Variants in MYT1L observed in about 807,000 individuals in gnomAD.
MYT1L encodes the protein myelin transcription factor 1 like.
In MYT1L, 12 loss-of-function variants were observed where a neutral mutation model predicts 126.7. The observed-to-expected ratio is 0.09, with a 90% confidence interval of 0.06 to 0.15. MYT1L has a LOEUF of 0.15. Among genes scored for constraint, MYT1L ranks in the 10% least tolerant of loss-of-function variants. MYT1L has a pLI of 1.00. For synonymous variants in MYT1L, 541 were observed against 604.2 expected, an observed-to-expected ratio of 0.90 and a Z score of 1.53; for missense variants, 979 against 1,585.2, an observed-to-expected ratio of 0.62 and a Z score of 6.49.
chr2:2,271,884 T>C (rs1179224242), intron 2 of MYT1L, among the ~76,000 whole-genome samples: 2 of 152,218 alleles, frequency 1.3e-5, no homozygotes, highest in Non-Finnish European at 1.5e-5. Context: ...GCGGTGTTTT[T>C]ACTAGGTGGG....
At chr2:1,928,394 A>G (rs897786183) in intron 9 of MYT1L, among the ~76,000 whole-genome samples, 2 of 152,208 alleles carry the variant, frequency 1.3e-5, no homozygotes, top group Non-Finnish European at 2.9e-5. Context: ...GTACAGAACC[A>G]CAGAGGCTGA....
At chr2:1,834,663 A>C (rs1315631837) in intron 21 of MYT1L, among the ~76,000 whole-genome samples, 1 of 152,256 alleles carries the variant, frequency 6.6e-6, no homozygotes, top group Non-Finnish European at 1.5e-5. Context: ...TGTGGGTGCC[A>C]GGGGCTAGGC....
rs115423791 is a variant in MYT1L at position 2,179,090 on chromosome 2, T to C, written c.-420-6102A>G. Among the ~76,000 whole-genome samples the C allele has an allele frequency of 4.0e-3, 606 of 152,242 alleles. 2 individuals are homozygous for C. The highest frequency in any genetic ancestry group is 0.014 in the African/African-American group (586 of 41,550). On this transcript the variant is annotated intron_variant, in intron 2 of 24. Coordinates refer to ENST00000647738, the MANE Select transcript of MYT1L (RefSeq NM_001303052.2). ...CTGGGAGCCCTTGAGCATAGGAACCTGGGGTACTGCGAACGAACACCCAAT... is the reference window on the plus strand; with the variant it reads ...CTGGGAGCCCTTGAGCATAGGAACCCGGGGTACTGCGAACGAACACCCAAT...
intron 2 of MYT1L, among the ~76,000 whole-genome samples, chr2:2,175,392 C>G (rs527627033): frequency 6.6e-6 from 1 of 152,150 alleles, no homozygotes; most frequent in African/African-American, 2.4e-5. Context: ...CTGTGCCTGT[C>G]TGGTAACCTG....
intron 1 of MYT1L, among the ~76,000 whole-genome samples, chr2:2,309,414 C>T (rs2095918194): frequency 6.6e-6 from 1 of 151,828 alleles, no homozygotes; most frequent in Non-Finnish European, 1.5e-5. Flanking sequence ...CTTTAGTATA[C>T]CTTCTCTATG....
intron 4 of MYT1L, among the ~76,000 whole-genome samples, chr2:2,030,706 T>A (rs1249404707): frequency 6.6e-6 from 1 of 152,224 alleles, no homozygotes; most frequent in East Asian, 1.9e-4. Context: ...AATAGTTTCC[T>A]GAGACCAAAT....
intron 2 of MYT1L, among the ~76,000 whole-genome samples, chr2:2,181,201 CGTGTACCTGTGTTTGTGCCTGTGT>C (rs1483634944): frequency 3.4e-4 from 49 of 142,746 alleles, no homozygotes; most frequent in Admixed American, 5.6e-4. Flanking sequence ...CTATGTGTGC[CGTGTACCTGTGTTTGTGCCTGTGT>C]GTGTACCTGT....
At chr2:1,853,579 A>G (rs2043543801) in intron 18 of MYT1L, among the ~76,000 whole-genome samples, 1 of 152,262 alleles carries the variant, frequency 6.6e-6, no homozygotes, top group Non-Finnish European at 1.5e-5. Context: ...ATTCTATCCA[A>G]GAGAAGCTAA....
At chr2:2,284,904 A>G (rs1056175721) in intron 1 of MYT1L, among the ~76,000 whole-genome samples, 14 of 152,012 alleles carry the variant, frequency 9.2e-5, no homozygotes, top group African/African-American at 3.4e-4. Flanking sequence ...GGGTTTCATC[A>G]TGTGCTATGT....
rs2048523694 is a variant in MYT1L, at chr2:1,889,230, A to G, written c.2520+11T>C. On this transcript the variant is annotated intron_variant, in intron 16 of 24. Transcript: ENST00000647738. The surrounding 1 kb of genome is among the most constrained non-coding windows in gnomAD (Gnocchi z 4.1). ...CTGGCAGTCAACACAGGCTCAATGA[A>G]AAGGACATACAGTAATGTCTTTGGA... is the stretch of plus-strand genomic sequence containing the variant. The G allele has an allele frequency of 1.2e-6, 2 of 1,604,278 alleles. No individual in the cohort carries two copies. Among genetic ancestry groups the G allele is most frequent in the Non-Finnish European group, 1.7e-6 (2 of 1,172,536 alleles).
chr2:2,172,570 A>G (rs1449201395), intron 3 of MYT1L, among the ~76,000 whole-genome samples: 2 of 152,238 alleles, frequency 1.3e-5, no homozygotes, highest in African/African-American at 4.8e-5. Context: ...CAAATGGGAC[A>G]AGCACCAGAG....
intron 1 of MYT1L, among the ~76,000 whole-genome samples, chr2:2,289,901 C>A (rs1008647897): frequency 2.6e-5 from 4 of 152,228 alleles, no homozygotes; most frequent in African/African-American, 9.6e-5. Context: ...TCAGCACTGG[C>A]AGCAAGGGCA....
chr2:1,851,998 C>T (rs373503097), intron 18 of MYT1L, among the ~76,000 whole-genome samples: 3 of 152,258 alleles, frequency 2.0e-5, no homozygotes, highest in South Asian at 2.1e-4. Flanking sequence ...CCTAACAGCC[C>T]GCCTTTCCTC....
intron 3 of MYT1L, among the ~76,000 whole-genome samples, chr2:2,121,163 T>C (rs972578796): frequency 2.6e-5 from 4 of 152,230 alleles, no homozygotes; most frequent in Non-Finnish European, 5.9e-5. Flanking sequence ...TCTTTTAAAC[T>C]CGCTCTCCTT....
chr2:2,070,319 C>T (rs562119758), intron 3 of MYT1L, among the ~76,000 whole-genome samples: 3 of 152,214 alleles, frequency 2.0e-5, no homozygotes, highest in Admixed American at 2.0e-4. Flanking sequence ...GTCTATCCAT[C>T]CAACTGTCTA....
intron 2 of MYT1L, among the ~76,000 whole-genome samples, chr2:2,223,268 A>G (rs1388735750): frequency 6.6e-6 from 1 of 152,262 alleles, no homozygotes; most frequent in African/African-American, 2.4e-5. Flanking sequence ...ATATTAGAAT[A>G]TAAAAAAATT....
chr2:1,963,134 G>T (rs1471503595), intron 8 of MYT1L, among the ~76,000 whole-genome samples: 1 of 152,222 alleles, frequency 6.6e-6, no homozygotes, highest in Non-Finnish European at 1.5e-5. Context: ...AATGGATGTT[G>T]TGTCTGCAGG....
At chr2:2,238,348 TC>T (rs775449347) in intron 2 of MYT1L, among the ~76,000 whole-genome samples, 1 of 152,132 alleles carries the variant, frequency 6.6e-6, no homozygotes, top group Non-Finnish European at 1.5e-5. Flanking sequence ...TCAATAATGT[TC>T]CCACTGGATT....
At chr2:2,189,824 GGTTCTCAGGACGGCACGGGGAGAAGCAGC>G (rs1351453057) in intron 2 of MYT1L, among the ~76,000 whole-genome samples, 2 of 146,768 alleles carry the variant, frequency 1.4e-5, no homozygotes, top group Non-Finnish European at 3.0e-5. Context: ...GGAGAAGCAG[GGTTCTCAGGACGGCACGGGGAGAAGCAGC>G]GTTCTCAGGA....
Sources: allele counts gnomAD v4.1 joint callset (sites outside exome capture counted in the v4.1 genomes callset), GRCh38; gene constraint gnomAD v4.1.1; non-coding constraint Gnocchi (gnomAD v3.1); transcripts MANE v1.5; gene names NCBI Gene and HGNC (gene_info 2026-07-23, HGNC 2026-07-21).